The following AGBL4 variants were observed in gnomAD, a reference collection of about 807,000 sequenced individuals.
AGBL4 encodes the protein cytosolic carboxypeptidase 6.
AGBL4 carries 58 observed loss-of-function variants against 66.4 expected under a neutral mutation model. The ratio of observed to expected loss-of-function variants is 0.87; its 90% CI spans 0.71 to 1.09. The LOEUF (loss-of-function observed/expected upper bound fraction) is 1.09. Among genes scored for constraint, AGBL4 ranks in the 50% least tolerant of loss-of-function variants. AGBL4 has a pLI of 0.00. For synonymous variants in AGBL4, 234 were observed against 222.9 expected (o/e 1.05, Z -0.44); for missense variants, 579 against 631.0 (o/e 0.92, Z 0.88).
intron 4 of AGBL4, among the ~76,000 whole-genome samples, chr1:49,061,687 G>T (rs1160942205): frequency 6.6e-6 from 1 of 152,128 alleles, no homozygotes; most frequent in Non-Finnish European, 1.5e-5. Context: ...GAAGTCAGAG[G>T]TAAGGGCAAA....
intron 6 of AGBL4, among the ~76,000 whole-genome samples, chr1:48,858,401 G>T (rs910361715): frequency 6.6e-6 from 1 of 152,090 alleles, no homozygotes; most frequent in Non-Finnish European, 1.5e-5. Context: ...CAGATTATTC[G>T]TAAAATCCCC....
chr1:49,365,801 A>G (rs1433892795), intron 3 of AGBL4, among the ~76,000 whole-genome samples: 1 of 152,086 alleles, frequency 6.6e-6, no homozygotes, highest in Non-Finnish European at 1.5e-5. Flanking sequence ...AAGAAAGAAG[A>G]AAAGTTGGCC....
Position 49,676,461 on chromosome 1 carries a change from C to T in AGBL4, c.282+20852G>A, listed in dbSNP as rs568026987. On this transcript the variant is annotated intron_variant, in intron 3 of 13. Transcript: ENST00000371839. The stretch of plus-strand genomic sequence containing the variant: ...ATTGATCTGGGGTAATATCATTTGG[C>T]ATTGAAAAGGCTTCCAAAGGAAAGA... Among the ~76,000 whole-genome samples the T allele has an allele frequency of 2.0e-5, 3 of 152,138 alleles. No individual in the cohort carries two copies. In the South Asian group the frequency reaches 6.2e-4, roughly 32 times the overall value.
intron 5 of AGBL4, among the ~76,000 whole-genome samples, chr1:48,952,492 G>C (rs984829511): frequency 2.6e-5 from 4 of 152,244 alleles, no homozygotes; most frequent in African/African-American, 7.2e-5. Context: ...AAAGTGGTTA[G>C]TGAAGTCCTC....
chr1:48,851,887 A>G (rs1195059061), intron 6 of AGBL4, among the ~76,000 whole-genome samples: 1 of 151,946 alleles, frequency 6.6e-6, no homozygotes, highest in African/African-American at 2.4e-5. Flanking sequence ...ATGACCTAAT[A>G]TCCTGTGGCT....
intron 3 of AGBL4, among the ~76,000 whole-genome samples, chr1:49,305,396 G>A (rs1219165055): frequency 6.6e-6 from 1 of 152,154 alleles, no homozygotes; most frequent in African/African-American, 2.4e-5. Flanking sequence ...AGCTGGCCCT[G>A]TGGACCCTCC....
intron 5 of AGBL4, among the ~76,000 whole-genome samples, chr1:48,972,452 T>C (rs541175969): frequency 6.6e-6 from 1 of 152,324 alleles, no homozygotes; most frequent in South Asian, 2.1e-4. Context: ...ATGCCTGCTC[T>C]ATTCTAGACA....
intron 2 of AGBL4, among the ~76,000 whole-genome samples, chr1:49,819,926 G>A (rs1645325034): frequency 6.6e-6 from 1 of 152,134 alleles, no homozygotes; most frequent in African/African-American, 2.4e-5. Context: ...AATGGTGGGA[G>A]GAAGAGGTGC....
chr1:49,741,433 C>T (rs899753820), intron 2 of AGBL4, among the ~76,000 whole-genome samples: 3 of 152,064 alleles, frequency 2.0e-5, no homozygotes, highest in African/African-American at 7.2e-5. Context: ...AAAAAAAGGC[C>T]AACAGCAAAT....
At chr1:48,826,691 A>C (rs1481733034) in intron 6 of AGBL4, among the ~76,000 whole-genome samples, 1 of 152,204 alleles carries the variant, frequency 6.6e-6, no homozygotes, top group African/African-American at 2.4e-5. Flanking sequence ...GAGAAGAATA[A>C]GTTTTATCTT....
intron 4 of AGBL4, among the ~76,000 whole-genome samples, chr1:49,202,464 T>C (rs1403203080): frequency 1.3e-5 from 2 of 151,966 alleles, no homozygotes; most frequent in Non-Finnish European, 2.9e-5. Flanking sequence ...AGCCAAAAAA[T>C]AAACCTTCAC....
At chr1:49,277,641 C>CA (rs1011337278) in intron 3 of AGBL4, among the ~76,000 whole-genome samples, 4 of 150,150 alleles carry the variant, frequency 2.7e-5, no homozygotes, top group Non-Finnish European at 5.9e-5. Context: ...TTTTCAGCTC[C>CA]AAAAAATATG....
At chr1:49,875,310 C>T in intron 1 of AGBL4, among the ~76,000 whole-genome samples, 1 of 110,910 alleles carries the variant, frequency 9.0e-6, no homozygotes, top group African/African-American at 3.4e-5. Context: ...TCCCCCCTCC[C>T]CCCTCCACAC....
At chr1:49,670,006 C>T (rs1315871858) in intron 3 of AGBL4, among the ~76,000 whole-genome samples, 1 of 151,876 alleles carries the variant, frequency 6.6e-6, no homozygotes, top group East Asian at 1.9e-4. Flanking sequence ...CATTTAAATG[C>T]TACTACAAAG....
Position 49,275,124 on chromosome 1 carries a change from C to G in AGBL4, c.283-29260G>C, listed in dbSNP as rs164833. On this transcript the variant is annotated intron_variant, in intron 3 of 13. Coordinates refer to ENST00000371839, the MANE Select transcript of AGBL4 (RefSeq NM_032785.4). Reference sequence around the variant, plus strand: ...TAATTAATGACACTAGTTATTTTACCAAGACTTTGACTGGAATGATATATT... The same window carrying G: ...TAATTAATGACACTAGTTATTTTACGAAGACTTTGACTGGAATGATATATT... Among the ~76,000 whole-genome samples the G allele has an allele frequency of 8.5e-3, 1,299 of 152,052 alleles. 18 individuals carry two copies. The highest frequency in any genetic ancestry group is 0.03 in the African/African-American group (1,229 of 41,484).
intron 5 of AGBL4, among the ~76,000 whole-genome samples, chr1:48,923,873 G>A (rs1212582535): frequency 2.0e-5 from 3 of 152,160 alleles, no homozygotes; most frequent in Non-Finnish European, 4.4e-5. Flanking sequence ...CCTGTTTTAT[G>A]AAGGACCTAT....
intron 3 of AGBL4, among the ~76,000 whole-genome samples, chr1:49,437,177 A>G (rs1275368830): frequency 2.0e-5 from 3 of 152,142 alleles, no homozygotes; most frequent in Non-Finnish European, 4.4e-5. Context: ...GCTTTTTTCC[A>G]TTATCTTGAT....
chr1:48,846,378 AAAG>A (rs1166273740), intron 6 of AGBL4, among the ~76,000 whole-genome samples: 1 of 139,016 alleles, frequency 7.2e-6, no homozygotes, highest in Non-Finnish European at 1.5e-5. Flanking sequence ...AGAAAGAAAG[AAAG>A]AAAGAAAGAA....
chr1:49,164,602 G>A (rs1646599765), intron 4 of AGBL4, among the ~76,000 whole-genome samples: 2 of 152,068 alleles, frequency 1.3e-5, no homozygotes, highest in African/African-American at 2.4e-5. Context: ...TTCTTAAGAC[G>A]GCTTTACTCT....
Sources: allele counts gnomAD v4.1 joint callset (sites outside exome capture counted in the v4.1 genomes callset), GRCh38; gene constraint gnomAD v4.1.1; transcripts MANE v1.5; gene names NCBI Gene and HGNC (gene_info 2026-07-23, HGNC 2026-07-21).